The following GRHL2 variants were observed in gnomAD, a reference collection of about 807,000 sequenced individuals.
GRHL2 encodes grainyhead like transcription factor 2.
In GRHL2, 21 loss-of-function variants were observed where a neutral mutation model predicts 83.8. The observed-to-expected ratio is 0.25, with a 90% CI of 0.18 to 0.36. GRHL2 has a LOEUF of 0.36. Among genes scored for constraint, GRHL2 ranks in the 10% least tolerant of loss-of-function variants. The pLI is 1.00. For synonymous variants in GRHL2, 280 were observed against 278.9 expected, an observed-to-expected ratio of 1.00 and a Z score of -0.04; for missense variants, 623 against 781.8, an observed-to-expected ratio of 0.80 and a Z score of 2.42.
chr8:101,636,877 C>G lies in GRHL2; in HGVS notation c.1486-20C>G. The G allele has an allele frequency of 1.2e-6, 2 of 1,610,146 alleles. No homozygotes were observed. The highest frequency in any genetic ancestry group is 1.7e-6 in the Non-Finnish European group (2 of 1,176,440). ...TTTCTTGTCTCTGACCTACAGTAAGCCTATTGTTTTGTTCCACAGGTGTAT... is the reference window on the plus strand; with the variant it reads ...TTTCTTGTCTCTGACCTACAGTAAGGCTATTGTTTTGTTCCACAGGTGTAT... On this transcript the variant is annotated intron_variant, in intron 11 of 15. Transcript: ENST00000646743.
intron 13 of GRHL2, among the ~76,000 whole-genome samples, chr8:101,647,820 C>T (rs570256526): frequency 5.3e-5 from 8 of 152,102 alleles, no homozygotes; most frequent in African/African-American, 1.7e-4. Flanking sequence ...GCCACATGCA[C>T]CCGTGTAGAC....
chr8:101,645,116 A>ATTTTTTTTTTTTTT (rs553249046), intron 13 of GRHL2, among the ~76,000 whole-genome samples: 1 of 117,344 alleles, frequency 8.5e-6, no homozygotes, highest in African/African-American at 3.3e-5. Flanking sequence ...GCAGTACAGA[A>ATTTTTTTTTTTTTT]TTTTTTTTTT....
chr8:101,595,938 G>T (rs1420189703), intron 7 of GRHL2, among the ~76,000 whole-genome samples: 1 of 151,998 alleles, frequency 6.6e-6, no homozygotes, highest in African/African-American at 2.4e-5. Context: ...GGCTAACACA[G>T]TGAAACCCCG....
intron 1 of GRHL2, among the ~76,000 whole-genome samples, chr8:101,507,508 A>G (rs1014310496): frequency 7.2e-5 from 11 of 152,148 alleles, no homozygotes; most frequent in African/African-American, 2.4e-4. Context: ...ACAATTTGAA[A>G]TCTATATTTT....
At chr8:101,651,301 G>A (rs1036839268) in intron 14 of GRHL2, among the ~76,000 whole-genome samples, 13 of 152,174 alleles carry the variant, frequency 8.5e-5, no homozygotes, top group African/African-American at 3.1e-4. Context: ...AGAAGCAGTT[G>A]CTTAAATGCA....
intron 8 of GRHL2, among the ~76,000 whole-genome samples, chr8:101,606,057 A>G (rs565575848): frequency 1.3e-5 from 2 of 152,318 alleles, no homozygotes; most frequent in South Asian, 4.1e-4. Context: ...GCACTGAGAA[A>G]TTTCCAAAGC....
chr8:101,587,136 T>TA (rs1327010188), intron 7 of GRHL2, among the ~76,000 whole-genome samples: 1 of 152,204 alleles, frequency 6.6e-6, no homozygotes, highest in Admixed American at 6.6e-5. Context: ...AATTAAAACT[T>TA]ACAACGAATG....
intron 2 of GRHL2, among the ~76,000 whole-genome samples, chr8:101,551,875 G>C (rs561092241): frequency 6.7e-6 from 1 of 149,270 alleles, no homozygotes; most frequent in African/African-American, 2.5e-5. Context: ...TTGCTCTGTC[G>C]CCCAGGCTAG....
chr8:101,545,378 C>T (rs1811238489), intron 2 of GRHL2, among the ~76,000 whole-genome samples: 1 of 130,882 alleles, frequency 7.6e-6, no homozygotes, highest in Non-Finnish European at 1.5e-5. Flanking sequence ...TGAAAGGATG[C>T]TTTAAGGCCT....
At chr8:101,585,284 C>T (rs889254655) in intron 7 of GRHL2, among the ~76,000 whole-genome samples, 23 of 152,216 alleles carry the variant, frequency 1.5e-4, no homozygotes, top group African/African-American at 5.1e-4. Context: ...TGTAGGTCTT[C>T]CCTCCTTTAA....
intron 8 of GRHL2, among the ~76,000 whole-genome samples, chr8:101,612,498 T>G (rs1169250260): frequency 8.4e-6 from 1 of 118,346 alleles, no homozygotes; most frequent in Non-Finnish European, 1.7e-5. Flanking sequence ...GATAGATAGA[T>G]AGATAGATAG....
chr8:101,608,147 T>C (rs1479119350), intron 8 of GRHL2, among the ~76,000 whole-genome samples: 1 of 152,246 alleles, frequency 6.6e-6, no homozygotes, highest in African/African-American at 2.4e-5. Context: ...CATTATGCAA[T>C]ATTCATATTT....
intron 7 of GRHL2, among the ~76,000 whole-genome samples, chr8:101,590,318 AC>A (rs964647835): frequency 6.6e-6 from 1 of 152,154 alleles, no homozygotes; most frequent in Non-Finnish European, 1.5e-5. Context: ...TTGAAAACAG[AC>A]AAAAAAATCT....
At chr8:101,497,556 A>C (rs1417548171) in intron 1 of GRHL2, among the ~76,000 whole-genome samples, 1 of 152,246 alleles carries the variant, frequency 6.6e-6, no homozygotes, top group South Asian at 2.1e-4. Context: ...AGGAATTTCT[A>C]AAATCATTGC....
chr8:101,594,619 G>A (rs1352050215), intron 7 of GRHL2, among the ~76,000 whole-genome samples: 3 of 152,224 alleles, frequency 2.0e-5, no homozygotes. Flanking sequence ...TCGTGAAGTG[G>A]GAGCAGAGCT....
intron 1 of GRHL2, among the ~76,000 whole-genome samples, chr8:101,539,852 C>A (rs568908379): frequency 6.6e-6 from 1 of 152,024 alleles, no homozygotes; most frequent in East Asian, 1.9e-4. Flanking sequence ...TAGGTTAGTC[C>A]CCTCTGTCGT....
At chr8:101,521,479 G>C (rs990221868) in intron 1 of GRHL2, among the ~76,000 whole-genome samples, 7 of 152,164 alleles carry the variant, frequency 4.6e-5, no homozygotes, top group African/African-American at 1.7e-4. Flanking sequence ...ATTTTCTCTT[G>C]TAGCACCCTG....
At chr8:101,547,052 G>A (rs935975540) in intron 2 of GRHL2, among the ~76,000 whole-genome samples, 1 of 152,100 alleles carries the variant, frequency 6.6e-6, no homozygotes, top group Admixed American at 6.5e-5. Context: ...TAGTGTTTCT[G>A]GAAATAATTG....
chr8:101,679,649 G>T, the GRHL2 span, among the ~76,000 whole-genome samples: 1 of 151,588 alleles, frequency 6.6e-6, no homozygotes, highest in Non-Finnish European at 1.5e-5. Context: ...TGAAATGAAG[G>T]AAAAAATGTT....
Sources: gnomAD v4.1 joint callset for allele counts (sites outside exome capture counted in the v4.1 genomes callset) on GRCh38, gnomAD v4.1.1 for gene constraint, MANE v1.5 for transcripts, NCBI Gene and HGNC (gene_info 2026-07-23, HGNC 2026-07-21) for gene names.